NETO2: variants seen among roughly 807,000 people sequenced by gnomAD.
The protein encoded by NETO2 is neuropilin and tolloid-like protein 2.
A neutral mutation model predicts 62.5 loss-of-function variants in NETO2; 28 were observed. The observed-to-expected ratio is 0.45, with a 90% CI of 0.33 to 0.61. The LOEUF (loss-of-function observed/expected upper bound fraction) is 0.61. NETO2 is among the 20% of genes least tolerant of loss of function. The pLI, the probability that NETO2 is intolerant of heterozygous loss-of-function variation, is 0.02. For synonymous variants in NETO2, 214 were observed against 219.1 expected (o/e 0.98, Z 0.21); for missense variants, 548 against 643.2 (o/e 0.85, Z 1.60).
chr16:47,128,611 C>A, intron 3 of NETO2, 38 bp from the exon 4 acceptor site: 2 of 1,588,870 alleles, frequency 1.3e-6, no homozygotes, highest in Non-Finnish European at 1.7e-6. Context: ...ACAACACAAA[C>A]AAGAAAGAAT....
At chr16:47,118,580 C>G (rs981480462) in intron 6 of NETO2, among the ~76,000 whole-genome samples, 2 of 152,172 alleles carry the variant, frequency 1.3e-5, no homozygotes, top group Non-Finnish European at 1.5e-5. Context: ...TATATATACC[C>G]TTTACAAATC....
chr16:47,109,888 G>A (rs1241426374), intron 6 of NETO2, among the ~76,000 whole-genome samples, 177 bp from the exon 7 acceptor site: 1 of 152,104 alleles, frequency 6.6e-6, no homozygotes, highest in Non-Finnish European at 1.5e-5. Context: ...TGTTTCTTTG[G>A]TTGTCTTTAT....
chr16:47,097,971 T>C (rs938336722), intron 7 of NETO2, among the ~76,000 whole-genome samples: 5 of 152,116 alleles, frequency 3.3e-5, no homozygotes, highest in Non-Finnish European at 5.9e-5. Flanking sequence ...CAGAAAGGAA[T>C]AGCATCAACA....
rs1339696546 is a variant in NETO2, at chr16:47,122,691, C to T, written c.620G>A (p.Cys207Tyr). ...TGGAGTGGCTTTAATGGTCCAGATGCAATCAACGGCTTGGCCTGGTTTTGT... is the reference window on the plus strand; with the variant it reads ...TGGAGTGGCTTTAATGGTCCAGATGTAATCAACGGCTTGGCCTGGTTTTGT... ...EKTKPGQAVD[C>Y]IWTIKATPKA... Residue 207 changes from cysteine (C) to tyrosine (Y), a missense_variant, in exon 6 of 9, where the codon TGC (cysteine) becomes TAC (tyrosine). Coordinates refer to ENST00000562435, the MANE Select transcript of NETO2 (RefSeq NM_018092.5). 6.2e-7 allele frequency: 1 copy of T among 1,614,026 alleles called. No individual in the cohort carries two copies. Among genetic ancestry groups the T allele is most frequent in the East Asian group, 2.2e-5 (1 of 44,864 alleles).
chr16:47,143,877 A>T lies in NETO2; in HGVS notation c.-265T>A. Reference sequence around the variant, plus strand: ...CCCATCGACCGCCCGAGGGCCGAGGAGTGCGGACGCGCGGCGCGGGACCGG... The same window carrying T: ...CCCATCGACCGCCCGAGGGCCGAGGTGTGCGGACGCGCGGCGCGGGACCGG... On this transcript the variant is annotated 5_prime_UTR_variant, in exon 1 of 9. Transcript: ENST00000562435. 3.9e-6 allele frequency: 1 copy of T among 253,778 alleles called. No homozygotes were observed. The highest frequency in any genetic ancestry group is 7.1e-6 in the Non-Finnish European group (1 of 140,284). The allele number at this position is 253,778 out of a possible 1,614,324, so 15.7% of individuals were successfully genotyped here.
intron 7 of NETO2, among the ~76,000 whole-genome samples, chr16:47,108,131 C>T (rs1455567233): frequency 2.6e-5 from 4 of 151,906 alleles, no homozygotes; most frequent in African/African-American, 9.7e-5. Context: ...TATCCATGAG[C>T]CCATACTGAT....
In NETO2 at chr16:47,086,346, G is replaced by A. The variant is rs1292306973; in HGVS notation, c.884-7C>T. On this transcript the variant is annotated splice_polypyrimidine_tract_variant and splice_region_variant and intron_variant, in intron 7 of 8. Transcript: ENST00000562435. The stretch of plus-strand genomic sequence containing the variant: ...GTGCTGCTTGTGCAGGGAGCTGCAG[G>A]AAGAGAAAACAGTGTTGCAAAGAGC... 4 of 1,595,830 alleles carry A rather than the reference G, an allele frequency of 2.5e-6. No homozygotes were observed.
At chr16:47,097,045 T>C (rs1963441338) in intron 7 of NETO2, among the ~76,000 whole-genome samples, 1 of 152,122 alleles carries the variant, frequency 6.6e-6, no homozygotes, top group Non-Finnish European at 1.5e-5. Context: ...GGAGATTCCC[T>C]CGGGTGCCTA....
At chr16:47,130,048 T>G (rs1247281157) in intron 2 of NETO2, among the ~76,000 whole-genome samples, 2 of 152,050 alleles carry the variant, frequency 1.3e-5, no homozygotes, top group East Asian at 3.9e-4. Context: ...TACAACCACA[T>G]CAGAACACTA....
chr16:47,112,797 G>A (rs193103989), intron 6 of NETO2, among the ~76,000 whole-genome samples: 76 of 152,064 alleles, frequency 5.0e-4, no homozygotes, highest in Admixed American at 4.9e-3. Context: ...TCCAGGTAAC[G>A]CTCCTAAAAA....
intron 1 of NETO2, among the ~76,000 whole-genome samples, chr16:47,133,617 A>AAAATAAAATAAAAT (rs1964314031): frequency 8.6e-6 from 1 of 116,808 alleles, no homozygotes; most frequent in African/African-American, 3.1e-5. Context: ...AAAATAAAAT[A>AAAATAAAATAAAAT]AAATAAAATA....
At chr16:47,134,454 G>A (rs1964330015) in intron 1 of NETO2, among the ~76,000 whole-genome samples, 2 of 152,114 alleles carry the variant, frequency 1.3e-5, no homozygotes, top group South Asian at 4.1e-4. Flanking sequence ...TAATACAGAA[G>A]ATTTATGATC....
chr16:47,115,519 A>C (rs970579283), intron 6 of NETO2, among the ~76,000 whole-genome samples: 23 of 151,064 alleles, frequency 1.5e-4, no homozygotes, highest in Non-Finnish European at 2.9e-4. Context: ...CTAGTATATA[A>C]AAATTCAACT....
chr16:47,085,174 T>C (rs1454012703), intron 8 of NETO2, among the ~76,000 whole-genome samples: 1 of 152,128 alleles, frequency 6.6e-6, no homozygotes, highest in East Asian at 1.9e-4. Flanking sequence ...ATAGGAAATG[T>C]TACGAAATAA....
chr16:47,128,614 G>C (rs765138750), intron 3 of NETO2, 41 bp from the exon 4 acceptor site: 107 of 1,586,892 alleles, frequency 6.7e-5, no homozygotes, highest in Non-Finnish European at 9.0e-5. Flanking sequence ...ACACAAACAA[G>C]AAAGAATATA....
chr16:47,095,315 T>A (rs904149074), intron 7 of NETO2, among the ~76,000 whole-genome samples: 2 of 152,076 alleles, frequency 1.3e-5, no homozygotes, highest in African/African-American at 4.8e-5. Context: ...AACAAAGCTA[T>A]AGACACACAG....
At chr16:47,100,044 G>A (rs1854825909) in intron 7 of NETO2, among the ~76,000 whole-genome samples, 1 of 152,084 alleles carries the variant, frequency 6.6e-6, no homozygotes, top group African/African-American at 2.4e-5. Context: ...TTCTAAAATT[G>A]ACCACATAAT....
chr16:47,097,608 T>TA (rs1963454519), intron 7 of NETO2, among the ~76,000 whole-genome samples: 1 of 152,084 alleles, frequency 6.6e-6, no homozygotes, highest in Admixed American at 6.5e-5. Context: ...TCAGCAGACT[T>TA]AAACGTTCCT....
At chr16:47,105,658 C>T (rs113635406) in intron 7 of NETO2, among the ~76,000 whole-genome samples, 67 of 152,026 alleles carry the variant, frequency 4.4e-4, no homozygotes, top group African/African-American at 1.4e-3. Context: ...AATTCAAAAG[C>T]GGGCAAAGGA....
Sources: allele counts gnomAD v4.1 joint callset (sites outside exome capture counted in the v4.1 genomes callset), GRCh38; gene constraint gnomAD v4.1.1; transcripts MANE v1.5; gene names NCBI Gene and HGNC (gene_info 2026-07-23, HGNC 2026-07-21).